The following CIAPIN1 variants were observed in gnomAD, a reference collection of about 807,000 sequenced individuals.
CIAPIN1 encodes anamorsin.
CIAPIN1 carries 18 observed loss-of-function variants against 34.3 expected under a neutral mutation model. The ratio of observed to expected loss-of-function variants is 0.52; its 90% CI spans 0.36 to 0.78. CIAPIN1 has a LOEUF of 0.78. CIAPIN1 is among the 30% of genes least tolerant of loss of function. The pLI, the probability that CIAPIN1 is intolerant of heterozygous loss-of-function variation, is 0.00. For missense variants in CIAPIN1, 310 were observed against 372.5 expected, an observed-to-expected ratio of 0.83 and a Z score of 1.38; for synonymous variants, 131 against 140.4, an observed-to-expected ratio of 0.93 and a Z score of 0.47.
chr16:57,440,253 C>T (rs117804334), intron 2 of CIAPIN1, among the ~76,000 whole-genome samples: 3 of 152,144 alleles, frequency 2.0e-5, no homozygotes, highest in Admixed American at 6.5e-5. Flanking sequence ...GCTTTCAAAC[C>T]CTGTCTCCTG....
At chr16:57,435,618 C>T (rs1903182195) in intron 4 of CIAPIN1, among the ~76,000 whole-genome samples, 2 of 152,108 alleles carry the variant, frequency 1.3e-5, no homozygotes, top group African/African-American at 2.4e-5. Context: ...CATAGCGAAA[C>T]CCCATCTGTA....
intron 1 of CIAPIN1, among the ~76,000 whole-genome samples, chr16:57,444,977 T>C (rs2029997392): frequency 6.6e-6 from 1 of 152,214 alleles, no homozygotes; most frequent in African/African-American, 2.4e-5. Flanking sequence ...CACATGTGCA[T>C]GGCCCTTCTA....
chr16:57,437,837 A>C (rs1292859758), intron 3 of CIAPIN1, among the ~76,000 whole-genome samples: 2 of 152,100 alleles, frequency 1.3e-5, no homozygotes, highest in African/African-American at 4.8e-5. Context: ...TAGCGATACT[A>C]TTTTAATTTG....
chr16:57,436,789 A>G, intron 3 of CIAPIN1, 57 bp from the exon 4 acceptor site: 4 of 1,460,900 alleles, frequency 2.7e-6, no homozygotes, highest in Non-Finnish European at 3.8e-6. Context: ...GAAAAATAAT[A>G]AAGGCTCAAT....
intron 1 of CIAPIN1, among the ~76,000 whole-genome samples, chr16:57,445,834 GTTTTTTTTTTTTT>G (rs751037117): frequency 1.3e-4 from 9 of 70,494 alleles, no homozygotes; most frequent in Admixed American, 1.0e-3. Flanking sequence ...GACCTTAGAG[GTTTTTTTTTTTTT>G]TTTTTTTTTT....
In CIAPIN1 at chr16:57,430,110, C is replaced by T. The variant is rs1309757430; in HGVS notation, c.828+148G>A. 1.3e-5 allele frequency: 9 copies of T among 673,616 alleles called. No homozygotes were observed. The Admixed American group carries it at 2.2e-4, about 17-fold the overall frequency. The allele number at this position is 673,616 out of a possible 1,614,324, so 41.7% of individuals were successfully genotyped here. A position where few individuals can be genotyped will look rare whatever the true frequency, so the allele number is the denominator to read the frequency against. ...CCCACTCTCACTCTCAGGAGACAGC[C>T]TCTCTCCCCATTACTACCTACGTTC... On this transcript the variant is annotated intron_variant, in intron 8 of 8. Coordinates refer to ENST00000394391, the MANE Select transcript of CIAPIN1 (RefSeq NM_020313.4).
At chr16:57,436,589 T>G in intron 4 of CIAPIN1, 67 bp downstream of exon 4, 1 of 1,213,960 alleles carries the variant, frequency 8.2e-7, no homozygotes, top group Non-Finnish European at 1.2e-6. Context: ...ATTTCTTGTT[T>G]CCTAGTTCTA....
intron 1 of CIAPIN1, among the ~76,000 whole-genome samples, chr16:57,446,068 ACTC>A (rs1168114621): frequency 6.6e-6 from 1 of 151,848 alleles, no homozygotes; most frequent in Non-Finnish European, 1.5e-5. Flanking sequence ...CTGGTCTCGA[ACTC>A]CTGAGCTCAA....
intron 6 of CIAPIN1, among the ~76,000 whole-genome samples, chr16:57,431,763 C>T (rs1481271123): frequency 6.6e-6 from 1 of 152,196 alleles, no homozygotes; most frequent in African/African-American, 2.4e-5. Flanking sequence ...ATGAACCTCA[C>T]TTATTTTGCT....
intron 5 of CIAPIN1, chr16:57,433,523 CTG>C (rs147834361): frequency 1.3e-3 from 195 of 155,904 alleles, no homozygotes; most frequent in South Asian, 4.1e-3. Context: ...GAGGATGGAG[CTG>C]TGTGTGTGTG....
At chr16:57,443,163 G>C (rs2029918018) in intron 1 of CIAPIN1, among the ~76,000 whole-genome samples, 1 of 149,234 alleles carries the variant, frequency 6.7e-6, no homozygotes, top group Non-Finnish European at 1.5e-5. Context: ...GGGGTGGTGG[G>C]GAGGACAGAG....
At chr16:57,440,740 G>T (rs1283901420) in intron 2 of CIAPIN1, 32 bp downstream of exon 2, 2 of 1,583,598 alleles carry the variant, frequency 1.3e-6, no homozygotes, top group Non-Finnish European at 1.7e-6. Flanking sequence ...AACCCCTCCA[G>T]CCTCATAAAG....
chr16:57,439,079 G>A lies in CIAPIN1; in HGVS notation c.310+103C>T, dbSNP rs936767587. 4.4e-6 allele frequency: 5 copies of A among 1,136,416 alleles called. No individual in the cohort carries two copies. In the African/African-American group the frequency reaches 6.1e-5, roughly 14 times the overall value. 70.4% of individuals were successfully genotyped at this position (1,136,416 alleles called of 1,614,324 possible). A position where few individuals can be genotyped will look rare whatever the true frequency, so the allele number is the denominator to read the frequency against. The stretch of plus-strand genomic sequence containing the variant: ...CCCCAAGGAAAAGGTTTTGCTACAG[G>A]AATACTGATCTCCCAATGATACCTC... On this transcript the variant is annotated intron_variant, in intron 3 of 8. Coordinates refer to ENST00000394391, the MANE Select transcript of CIAPIN1 (RefSeq NM_020313.4).
In CIAPIN1 at chr16:57,431,260, T is replaced by TGTG; in HGVS notation, c.636_637insCAC (p.Leu212_Ile213insHis). 6.2e-7 allele frequency: 1 copy of TGTG among 1,604,692 alleles called. No homozygotes were observed. Among genetic ancestry groups the TGTG allele is most frequent in the Non-Finnish European group, 8.5e-7 (1 of 1,171,750 alleles). On this transcript the variant is annotated inframe_insertion, in exon 7 of 9. Coordinates refer to ENST00000394391, the MANE Select transcript of CIAPIN1 (RefSeq NM_020313.4). ...GGATCCAGCAGCTCATCTGAGTCAA[T>TGTG]GAGATCCTGGAGAGTGTTCAAAGCA...
chr16:57,431,533 T>G, intron 6 of CIAPIN1: 1 of 301,174 alleles, frequency 3.3e-6, no homozygotes, highest in Non-Finnish European at 6.3e-6. Context: ...TGGCCAGCAA[T>G]GTGTAGAGAA....
chr16:57,444,022 C>T (rs223855), intron 1 of CIAPIN1, among the ~76,000 whole-genome samples: 118,991 of 152,164 alleles, frequency 0.78, 47,371 homozygotes, highest in African/African-American at 0.93. Context: ...ACTAGACTAC[C>T]ACAACTTTGC....
chr16:57,443,128 GTTTT>G (rs1166518846), intron 1 of CIAPIN1, among the ~76,000 whole-genome samples: 1 of 140,126 alleles, frequency 7.1e-6, no homozygotes, highest in Non-Finnish European at 1.5e-5. Context: ...AATAATTCTG[GTTTT>G]GTTTTTTTTT....
chr16:57,441,900 GAAAC>G (rs1469371837), intron 1 of CIAPIN1, among the ~76,000 whole-genome samples: 6 of 152,144 alleles, frequency 3.9e-5, no homozygotes, highest in Admixed American at 6.5e-5. Context: ...TCAAATAAAT[GAAAC>G]AAACAATTTG....
chr16:57,445,521 AT>A (rs1413551176), intron 1 of CIAPIN1, among the ~76,000 whole-genome samples: 1 of 152,192 alleles, frequency 6.6e-6, no homozygotes, highest in East Asian at 1.9e-4. Context: ...ATAAAAAAAA[AT>A]TAAATTAAAA....
Sources: allele counts gnomAD v4.1 joint callset (sites outside exome capture counted in the v4.1 genomes callset), GRCh38; gene constraint gnomAD v4.1.1; transcripts MANE v1.5; gene names NCBI Gene and HGNC (gene_info 2026-07-23, HGNC 2026-07-21).